The following MARF1 variants were observed in gnomAD, a reference collection of about 807,000 sequenced individuals.
The protein encoded by MARF1 is limkain-b1.
Under a neutral mutation model 168.2 loss-of-function variants are expected in MARF1, and 24 were observed. That is an observed-to-expected ratio of 0.14 (90% CI 0.10 to 0.20). The LOEUF (loss-of-function observed/expected upper bound fraction) is 0.20, where lower values mean the gene tolerates loss of function less well. Among genes scored for constraint, MARF1 ranks in the 10% least tolerant of loss-of-function variants. The probability of loss-of-function intolerance (pLI) is 1.00; values close to 1 mark genes in which losing one functional copy is unlikely to be tolerated. For synonymous variants in MARF1, 868 were observed against 822.4 expected, an observed-to-expected ratio of 1.06 and a Z score of -0.95; for missense variants, 1,744 against 2,143.6, an observed-to-expected ratio of 0.81 and a Z score of 3.68.
At chr16:15,599,219 C>G in intron 25 of MARF1, 195 bp from the exon 26 acceptor site, 1 of 607,568 alleles carries the variant, frequency 1.6e-6, no homozygotes, top group South Asian at 2.1e-5. Flanking sequence ...GGTAATGGAA[C>G]GCCTTAATAA....
rs774498355 is a variant in MARF1, at chr16:15,636,049, A to G, written c.438T>C (p.Cys146=). ...LDSQSTRTIT[C]QVGSGFAFQS... ...GGAAAGCAAACCCTGACCCTACCTG[A>G]CACGTGATTGTCCTGGTGCTTTGCG... Residue 146 remains cysteine (C), a synonymous_variant, in exon 3 of 27, where the codon TGT becomes TGC. Transcript: ENST00000396368. 10 of 1,614,118 alleles carry G rather than the reference A, an allele frequency of 6.2e-6. 1 individual carries two copies. The highest frequency in any genetic ancestry group is 1.6e-4 in the Middle Eastern group (1 of 6,084).
At chr16:15,605,086 G>A (rs1177578586) in intron 21 of MARF1, among the ~76,000 whole-genome samples, 2 of 152,230 alleles carry the variant, frequency 1.3e-5, no homozygotes, top group South Asian at 2.1e-4. Flanking sequence ...AACACCATGT[G>A]AAGAAACACG....
At chr16:15,604,127 A>G (rs2032788639) in intron 22 of MARF1, 41 bp downstream of exon 22, 3 of 1,434,856 alleles carry the variant, frequency 2.1e-6, no homozygotes, top group Non-Finnish European at 2.9e-6. Context: ...CCCAATCGAT[A>G]GTTTTCAATG....
rs8062239 is a variant in MARF1 at position 15,625,359 on chromosome 16, G to A, written c.1953+13C>T. ...TACCATAAACTTCAGAAAGCAAGAG[G>A]TATCAAAATTACCTGTAAACTTTTA... is the stretch of plus-strand genomic sequence containing the variant. On this transcript the variant is annotated intron_variant, in intron 8 of 26. Transcript: ENST00000396368. The A allele has an allele frequency of 3.8e-4, 602 of 1,590,156 alleles. 4 individuals are homozygous for A. The African/African-American group carries it at 7.5e-3, about 20-fold the overall frequency.
rs1232107949 is a variant in MARF1, at chr16:15,624,752, C to A, written c.2270+17G>T. The stretch of plus-strand genomic sequence containing the variant: ...ATTACATGTAACCACCCCCATGGGT[C>A]AAGAAGCTGGACTCACCTAGAAGAC... On this transcript the variant is annotated intron_variant, in intron 10 of 26. Transcript: ENST00000396368. The A allele has an allele frequency of 6.2e-7, 1 of 1,610,158 alleles. No individual in the cohort carries two copies. Among genetic ancestry groups the A allele is most frequent in the Admixed American group, 1.7e-5 (1 of 59,078 alleles).
In MARF1 at chr16:15,633,748, G is replaced by C; in HGVS notation, c.1102C>G (p.Arg368Gly). ...CTTTGCACAACAGCAGTTGCTGACC[G>C]GCCAGAGGGAACGGAGCAGTTTTCA... The part of the protein sequence containing the change: ...DIENCSVPSG[R>G]SATAVVQRIR... Residue 368 changes from arginine (R) to glycine (G), a missense_variant, in exon 5 of 27, where the codon CGG becomes GGG. By Grantham distance (125) the Arg-to-Gly change is moderately radical. Transcript: ENST00000396368. The C allele has an allele frequency of 6.2e-7, 1 of 1,613,996 alleles. No homozygotes were observed. Among genetic ancestry groups the C allele is most frequent in the Non-Finnish European group, 8.5e-7 (1 of 1,179,988 alleles).
intron 11 of MARF1, among the ~76,000 whole-genome samples, chr16:15,622,661 G>T (rs528122736): frequency 6.6e-6 from 1 of 152,310 alleles, no homozygotes; most frequent in Non-Finnish European, 1.5e-5. Context: ...GGAATTACAG[G>T]CATGAGCCGC....
chr16:15,640,325 C>G (rs76907993), intron 1 of MARF1, among the ~76,000 whole-genome samples: 4,999 of 152,220 alleles, frequency 0.033, 274 homozygotes, highest in African/African-American at 0.11. Flanking sequence ...ATCTGATATA[C>G]CACCAAAAAT....
intron 22 of MARF1, chr16:15,602,547 C>T (rs143844123): frequency 2.4e-5 from 11 of 451,846 alleles, no homozygotes; most frequent in East Asian, 6.2e-5. Context: ...AAGACGAAGA[C>T]GACGAATTGG....
intron 2 of MARF1, among the ~76,000 whole-genome samples, chr16:15,638,754 C>T (rs1453958537): frequency 6.6e-6 from 1 of 152,176 alleles, no homozygotes; most frequent in Non-Finnish European, 1.5e-5. Context: ...AAGAGGGCTA[C>T]AGTAAAATAC....
At chr16:15,600,946 A>G (rs776397343) in intron 23 of MARF1, 3 of 694,250 alleles carry the variant, frequency 4.3e-6, no homozygotes, top group South Asian at 3.0e-5. Flanking sequence ...AATATCCTTT[A>G]TAATTCTTAA....
chr16:15,607,086 C>T (rs1567538493), intron 21 of MARF1, among the ~76,000 whole-genome samples: 1 of 152,126 alleles, frequency 6.6e-6, no homozygotes, highest in South Asian at 2.1e-4. Flanking sequence ...AGCCCTCCTG[C>T]GATGCTGCTG....
At chr16:15,601,191 T>G in intron 23 of MARF1, 2 of 423,648 alleles carry the variant, frequency 4.7e-6, no homozygotes, top group Non-Finnish European at 9.5e-6. Flanking sequence ...CCAGGCCCCC[T>G]ACATGTGCAC....
chr16:15,616,505 C>T (rs1238739092), intron 15 of MARF1, among the ~76,000 whole-genome samples: 3 of 152,196 alleles, frequency 2.0e-5, no homozygotes, highest in Non-Finnish European at 2.9e-5. Context: ...GCCCTCCTCA[C>T]GTTTACGTTT....
intron 9 of MARF1, 36 bp downstream of exon 9, chr16:15,624,980 C>G (rs573523200): frequency 6.2e-7 from 1 of 1,613,328 alleles, no homozygotes; most frequent in South Asian, 1.1e-5. Context: ...CCTTCACATT[C>G]AAGAAGCAGC....
rs558528969 is a variant in MARF1 at position 15,621,498 on chromosome 16, C to T, written c.2639+235G>A. On this transcript the variant is annotated intron_variant, in intron 12 of 26. Transcript: ENST00000396368. ...TTTTAGAACCTATTTGAACATGTTG[C>T]GTATTATTTTACTCCCAAGTGCCTG... 1.2e-4 allele frequency: 60 copies of T among 503,992 alleles called. No homozygotes were observed. In the East Asian group the frequency reaches 1.6e-3, roughly 13 times the overall value. 31.2% of individuals were successfully genotyped at this position (503,992 alleles called of 1,614,324 possible). A position where few individuals can be genotyped will look rare whatever the true frequency, so the allele number is the denominator to read the frequency against.
chr16:15,626,184 A>C (rs1357631063), intron 7 of MARF1, among the ~76,000 whole-genome samples: 6 of 152,196 alleles, frequency 3.9e-5, no homozygotes, highest in Admixed American at 3.9e-4. Context: ...ATATGATTCC[A>C]TTTCTATAAA....
In MARF1 at chr16:15,595,219, G is replaced by A. The variant is rs1312172613; in HGVS notation, c.*1474C>T. 1 of 152,504 alleles carries A rather than the reference G, an allele frequency of 6.6e-6. No individual in the cohort carries two copies. Among genetic ancestry groups the A allele is most frequent in the Non-Finnish European group, 1.5e-5 (1 of 68,028 alleles). 9.4% of individuals were successfully genotyped at this position (152,504 alleles called of 1,614,324 possible). ...GACTGGGGCCATGTGTTGAGAACTGGGAGTCACTGGCTTCATTTAAAAGAT... is the reference window on the plus strand; with the variant it reads ...GACTGGGGCCATGTGTTGAGAACTGAGAGTCACTGGCTTCATTTAAAAGAT... On this transcript the variant is annotated 3_prime_UTR_variant, in exon 27 of 27. Transcript: ENST00000396368.
intron 21 of MARF1, 31 bp downstream of exon 21, chr16:15,608,260 G>GAAA (rs748965777): frequency 1.6e-3 from 1,288 of 829,418 alleles, no homozygotes; most frequent in South Asian, 3.0e-3. Context: ...TCCCATGAGG[G>GAAA]AAAAAAAAAA....
Sources: allele counts gnomAD v4.1 joint callset (sites outside exome capture counted in the v4.1 genomes callset), GRCh38; gene constraint gnomAD v4.1.1; transcripts MANE v1.5; gene names NCBI Gene and HGNC (gene_info 2026-07-23, HGNC 2026-07-21).